The following CMTR1 variants were observed in gnomAD, a reference collection of about 807,000 sequenced individuals.
The protein encoded by CMTR1 is cap-specific mRNA (nucleoside-2'-O-)-methyltransferase 1.
Under a neutral mutation model 107.0 loss-of-function variants are expected in CMTR1, and 39 were observed. The ratio of observed to expected loss-of-function variants is 0.36; its 90% CI spans 0.28 to 0.48. The LOEUF (loss-of-function observed/expected upper bound fraction) is 0.48. Among genes scored for constraint, CMTR1 ranks in the 20% least tolerant of loss-of-function variants. The pLI is 0.99. For synonymous variants in CMTR1, 366 were observed against 379.5 expected, an observed-to-expected ratio of 0.96 and a Z score of 0.41; for missense variants, 672 against 1,064.9, an observed-to-expected ratio of 0.63 and a Z score of 5.14.
intron 2 of CMTR1, among the ~76,000 whole-genome samples, chr6:37,439,753 A>G (rs1248873713): frequency 6.6e-6 from 1 of 152,198 alleles, no homozygotes; most frequent in Non-Finnish European, 1.5e-5. Context: ...CACCTTGGCC[A>G]TTAGCGGTTG....
At chr6:37,479,097 ACAAGTGCTTTG>A in intron 22 of CMTR1, 39 bp from the exon 23 acceptor site, 4 of 1,353,616 alleles carry the variant, frequency 3.0e-6, no homozygotes, top group Non-Finnish European at 4.2e-6. Flanking sequence ...CCTGTCCTCC[ACAAGTGCTTTG>A]TGTCCCTTCT....
At chr6:37,449,420 C>G (rs914551140) in intron 4 of CMTR1, among the ~76,000 whole-genome samples, 1 of 152,096 alleles carries the variant, frequency 6.6e-6, no homozygotes, top group East Asian at 1.9e-4. Context: ...GGGATTCTCC[C>G]GCCTCAGCCT....
At chr6:37,477,964 CGCT>C (rs1383515419) in intron 21 of CMTR1, among the ~76,000 whole-genome samples, 3 of 152,322 alleles carry the variant, frequency 2.0e-5, no homozygotes, top group South Asian at 4.1e-4. Context: ...TCCCAGCTCC[CGCT>C]GCTGAGAGAG....
intron 2 of CMTR1, among the ~76,000 whole-genome samples, chr6:37,438,176 T>C (rs1002341016): frequency 7.9e-5 from 12 of 151,960 alleles, no homozygotes; most frequent in African/African-American, 2.7e-4. Context: ...GCCCAGGAGT[T>C]TGAGACCAGC....
upstream of CMTR1, among the ~76,000 whole-genome samples, chr6:37,432,553 T>C (rs1702964622): frequency 6.6e-6 from 1 of 152,032 alleles, no homozygotes; most frequent in East Asian, 1.9e-4. Context: ...ATGAGAAACT[T>C]TGGGGTATGA....
Position 37,462,819 on chromosome 6 carries a change from C to A in CMTR1, c.1326-10C>A. The A allele has an allele frequency of 6.2e-7, 1 of 1,611,326 alleles. No individual in the cohort carries two copies. ...CTTGCTCGGTGGAGTGACAGAGTAT[C>A]TTCTGCCAGGTATGTGGTGTGCAAG... is the stretch of plus-strand genomic sequence containing the variant. On this transcript the variant is annotated splice_polypyrimidine_tract_variant and intron_variant, in intron 12 of 23. Transcript: ENST00000373451.
At chr6:37,443,053 AT>A in intron 2 of CMTR1, among the ~76,000 whole-genome samples, 1 of 152,372 alleles carries the variant, frequency 6.6e-6, no homozygotes, top group East Asian at 1.9e-4. Context: ...CTTTCGTGGT[AT>A]AAAAATGTAA....
At chr6:37,468,365 C>T (rs1761551347) in intron 13 of CMTR1, among the ~76,000 whole-genome samples, 1 of 151,920 alleles carries the variant, frequency 6.6e-6, no homozygotes, top group South Asian at 2.1e-4. Flanking sequence ...TACTTTAAAC[C>T]GTTTATAGTC....
At chr6:37,436,918 C>T (rs1328279008) in intron 2 of CMTR1, among the ~76,000 whole-genome samples, 1 of 151,936 alleles carries the variant, frequency 6.6e-6, no homozygotes, top group Non-Finnish European at 1.5e-5. Context: ...TGTGAAGCAC[C>T]CTTTGAAGGT....
chr6:37,447,900 C>T (rs1224128), intron 4 of CMTR1, among the ~76,000 whole-genome samples: 1 of 150,296 alleles, frequency 6.7e-6, no homozygotes, highest in Non-Finnish European at 1.5e-5. Flanking sequence ...AGTAAGTAAA[C>T]GTTTGTAAGT....
chr6:37,427,759 A>G, the CMTR1 span, among the ~76,000 whole-genome samples: 2 of 152,248 alleles, frequency 1.3e-5, no homozygotes, highest in Admixed American at 6.5e-5. This position sits in a 1 kb window ranked among gnomAD's most constrained non-coding sequence, Gnocchi z 4.4. Flanking sequence ...TTTATTTTAC[A>G]AAGTGTGGCT....
intron 6 of CMTR1, 57 bp downstream of exon 6, chr6:37,451,934 G>C: frequency 7.0e-7 from 1 of 1,423,786 alleles, no homozygotes; most frequent in Non-Finnish European, 9.8e-7. Flanking sequence ...TGATTTGCTG[G>C]ACTTTTCCAT....
rs1002178791 is a variant in CMTR1 at position 37,461,178 on chromosome 6, G to A, written c.1096-371G>A. On this transcript the variant is annotated intron_variant, in intron 10 of 23. Coordinates refer to ENST00000373451, the MANE Select transcript of CMTR1 (RefSeq NM_015050.3). ...TTGTTAGGACTCACCAGAGCATTCT[G>A]TTTCCTATGTTGTGGTTGACCTCTG... Among the ~76,000 whole-genome samples, 76 of 152,230 alleles carry A rather than the reference G, an allele frequency of 5.0e-4. 5 individuals carry two copies.
chr6:37,479,652 A>G (rs1031971216), intron 23 of CMTR1, among the ~76,000 whole-genome samples: 1 of 152,244 alleles, frequency 6.6e-6, no homozygotes, highest in Non-Finnish European at 1.5e-5. Flanking sequence ...CCCGGTGTCC[A>G]TTAGTCAGAC....
intron 23 of CMTR1, 42 bp from the exon 24 acceptor site, chr6:37,479,971 T>G: frequency 6.7e-7 from 1 of 1,487,416 alleles, no homozygotes; most frequent in Non-Finnish European, 8.9e-7. Context: ...CTGTGCCATC[T>G]GGGTGCAGTC....
chr6:37,449,050 C>G (rs189956975), intron 4 of CMTR1, among the ~76,000 whole-genome samples: 105 of 152,314 alleles, frequency 6.9e-4, no homozygotes, highest in Non-Finnish European at 1.4e-3. Flanking sequence ...AAGATATCCT[C>G]TCACCTCAGC....
chr6:37,460,512 G>A (rs1273774251), intron 10 of CMTR1, among the ~76,000 whole-genome samples: 1 of 151,286 alleles, frequency 6.6e-6, no homozygotes, highest in East Asian at 1.9e-4. Context: ...CTTCAGCAGT[G>A]TAAAGGGGTG....
chr6:37,434,313 C>A (rs1339578386), intron 1 of CMTR1, among the ~76,000 whole-genome samples: 2 of 152,050 alleles, frequency 1.3e-5, no homozygotes, highest in South Asian at 2.1e-4. Flanking sequence ...CAGGGTTTTA[C>A]GAGGTTGGGA....
chr6:37,452,903 G>C, intron 6 of CMTR1, 144 bp from the exon 7 acceptor site: 1 of 722,952 alleles, frequency 1.4e-6, no homozygotes, highest in East Asian at 2.5e-5. Flanking sequence ...TGAGCAGCCT[G>C]TGTAGGGTCA....
Sources: allele counts gnomAD v4.1 joint callset (sites outside exome capture counted in the v4.1 genomes callset), GRCh38; gene constraint gnomAD v4.1.1; non-coding constraint Gnocchi (gnomAD v3.1); transcripts MANE v1.5; gene names NCBI Gene and HGNC (gene_info 2026-07-23, HGNC 2026-07-21).